LINGO2: variants seen among roughly 807,000 people sequenced by gnomAD.
The protein encoded by LINGO2 is leucine rich repeat and Ig domain containing 2, also known as leucine-rich repeat and immunoglobulin-like domain-containing nogo receptor-interacting protein 2.
LINGO2 carries 14 observed loss-of-function variants against 30.6 expected under a neutral mutation model. That is an observed-to-expected ratio of 0.46 (90% CI 0.30 to 0.72). The LOEUF is 0.72. Ranked by LOEUF, LINGO2 falls within the 30% of genes least tolerant of loss-of-function variation. The pLI, the probability that LINGO2 is intolerant of heterozygous loss-of-function variation, is 0.07. For synonymous variants in LINGO2, 317 were observed against 288.5 expected (o/e 1.10, Z -1.00); for missense variants, 729 against 751.7 (o/e 0.97, Z 0.35).
intron 2 of LINGO2, among the ~76,000 whole-genome samples, chr9:28,436,997 T>C (rs933282085): frequency 2.6e-5 from 4 of 152,160 alleles, no homozygotes; most frequent in African/African-American, 9.7e-5. Flanking sequence ...GAACTGGGGT[T>C]CAAATACCTC....
chr9:29,109,128 G>T, the LINGO2 span, among the ~76,000 whole-genome samples: 1 of 141,778 alleles, frequency 7.1e-6, no homozygotes, highest in African/African-American at 2.6e-5. Flanking sequence ...CACATATTTT[G>T]CTTGTGAGTA....
chr9:28,329,448 C>G lies in LINGO2; in HGVS notation c.-245-34082G>C, dbSNP rs542331944. On this transcript the variant is annotated intron_variant, in intron 3 of 5. Coordinates refer to ENST00000379992, the Ensembl canonical transcript of LINGO2. The surrounding 1 kb of genome is among the most constrained non-coding windows in gnomAD (Gnocchi z 4.5). ...GCACACACCACGCTGTCTCTTCGGC[C>G]AAGTCATTATTTCTTGTCATGTATA... Among the ~76,000 whole-genome samples the G allele has an allele frequency of 1.7e-4, 26 of 152,194 alleles. No homozygotes were observed. Among genetic ancestry groups the G allele is most frequent in the African/African-American group, 5.1e-4 (21 of 41,532 alleles).
intron 1 of LINGO2, among the ~76,000 whole-genome samples, chr9:28,649,691 G>A (rs1828000875): frequency 6.6e-6 from 1 of 152,090 alleles, no homozygotes; most frequent in Non-Finnish European, 1.5e-5. Context: ...CTGGACGGAT[G>A]TTGTGGGAAA....
At chr9:29,054,410 T>C in the LINGO2 span, among the ~76,000 whole-genome samples, 2 of 152,202 alleles carry the variant, frequency 1.3e-5, no homozygotes, top group African/African-American at 4.8e-5. Flanking sequence ...ACTCCAAGTT[T>C]CTTTGGATTT....
chr9:29,080,915 G>A, the LINGO2 span, among the ~76,000 whole-genome samples: 2 of 152,150 alleles, frequency 1.3e-5, no homozygotes, highest in East Asian at 3.9e-4. Flanking sequence ...TGAGAAGACT[G>A]TATATACTGT....
At chr9:28,054,261 C>T (rs1218964079) in intron 4 of LINGO2, among the ~76,000 whole-genome samples, 1 of 152,106 alleles carries the variant, frequency 6.6e-6, no homozygotes, top group African/African-American at 2.4e-5. Flanking sequence ...CTCACCTTTT[C>T]ACTTTTCTTA....
At chr9:28,168,928 G>A (rs1828507256) in intron 4 of LINGO2, among the ~76,000 whole-genome samples, 1 of 152,210 alleles carries the variant, frequency 6.6e-6, no homozygotes, top group Non-Finnish European at 1.5e-5. Context: ...GTCAATGAAT[G>A]AATGAATGAA....
the LINGO2 span, among the ~76,000 whole-genome samples, chr9:28,781,473 C>G: frequency 6.6e-6 from 1 of 152,232 alleles, no homozygotes; most frequent in East Asian, 1.9e-4. Flanking sequence ...CAAATAATAG[C>G]AAAACAAAAT....
At chr9:28,024,312 G>C (rs1823274038) in intron 4 of LINGO2, among the ~76,000 whole-genome samples, 3 of 152,188 alleles carry the variant, frequency 2.0e-5, no homozygotes, top group Non-Finnish European at 4.4e-5. Flanking sequence ...CATCTAGTTT[G>C]TGCAAAGGTG....
chr9:28,557,148 G>T lies in LINGO2; in HGVS notation c.-364-81123C>A, dbSNP rs149203291. On this transcript the variant is annotated intron_variant, in intron 1 of 5. Transcript: ENST00000379992. ...CAACAAAGACAAAATTGACAAATGG[G>T]ATCTAATTAAACTGAAGAGCTTCTG... is the stretch of plus-strand genomic sequence containing the variant. 5.8e-3 allele frequency among the ~76,000 whole-genome samples: 886 copies of T among 152,184 alleles called. 4 individuals are homozygous for T. Among genetic ancestry groups the T allele is most frequent in the African/African-American group, 0.02 (843 of 41,530 alleles).
intron 1 of LINGO2, among the ~76,000 whole-genome samples, chr9:28,488,922 C>A (rs1385686264): frequency 6.6e-6 from 1 of 152,036 alleles, no homozygotes; most frequent in Non-Finnish European, 1.5e-5. Context: ...AATGTTCGAC[C>A]AATAAACAAA....
At chr9:28,647,036 A>G (rs1384939057) in intron 1 of LINGO2, among the ~76,000 whole-genome samples, 2 of 152,084 alleles carry the variant, frequency 1.3e-5, no homozygotes, top group East Asian at 1.9e-4. Flanking sequence ...GCATCTTCCA[A>G]ACTGAGCAAA....
chr9:28,712,260 G>C, the LINGO2 span, among the ~76,000 whole-genome samples: 3 of 151,746 alleles, frequency 2.0e-5, no homozygotes, highest in Non-Finnish European at 4.4e-5. Context: ...ACCCTTTAAG[G>C]GTTTTATATT....
At chr9:28,001,363 G>C (rs1212591267) in intron 5 of LINGO2, among the ~76,000 whole-genome samples, 3 of 152,034 alleles carry the variant, frequency 2.0e-5, no homozygotes, top group Non-Finnish European at 4.4e-5. Flanking sequence ...TCGACTTGTA[G>C]AATTTCTAAG....
the LINGO2 span, among the ~76,000 whole-genome samples, chr9:28,785,692 A>G: frequency 6.9e-6 from 1 of 144,878 alleles, no homozygotes; most frequent in Non-Finnish European, 1.5e-5. Context: ...ACACGCACAC[A>G]CACACACACA....
chr9:28,060,369 T>C (rs1413728975), intron 4 of LINGO2, among the ~76,000 whole-genome samples: 2 of 152,208 alleles, frequency 1.3e-5, no homozygotes, highest in South Asian at 2.1e-4. Context: ...TTACACTGTA[T>C]AATGCTAATA....
intron 3 of LINGO2, among the ~76,000 whole-genome samples, chr9:28,362,621 T>C (rs975807298): frequency 1.3e-5 from 2 of 152,018 alleles, no homozygotes; most frequent in Non-Finnish European, 2.9e-5. Context: ...CAGGCATGCA[T>C]CACCGCATTT....
At chr9:28,468,569 A>G (rs1332815933) in intron 2 of LINGO2, among the ~76,000 whole-genome samples, 1 of 152,206 alleles carries the variant, frequency 6.6e-6, no homozygotes, top group African/African-American at 2.4e-5. Flanking sequence ...TCCTTGAAAC[A>G]TAACAGGGTC....
At chr9:29,162,760 T>C in the LINGO2 span, among the ~76,000 whole-genome samples, 2 of 152,168 alleles carry the variant, frequency 1.3e-5, no homozygotes, top group Non-Finnish European at 2.9e-5. Flanking sequence ...TGTTCAATTT[T>C]AATATCAAAT....
Sources: gnomAD v4.1 joint callset for allele counts (sites outside exome capture counted in the v4.1 genomes callset) on GRCh38, gnomAD v4.1.1 for gene constraint, Gnocchi (gnomAD v3.1) non-coding constraint, MANE v1.5 for transcripts, NCBI Gene and HGNC (gene_info 2026-07-23, HGNC 2026-07-21) for gene names.